The following ITPR3 variants were observed in gnomAD, a reference collection of about 807,000 sequenced individuals.
ITPR3 encodes inositol 1,4,5-trisphosphate receptor type 3.
A neutral mutation model predicts 293.2 loss-of-function variants in ITPR3; 173 were observed. The observed-to-expected ratio is 0.59, with a 90% CI of 0.52 to 0.67. The LOEUF (loss-of-function observed/expected upper bound fraction) is 0.67, where lower values mean the gene tolerates loss of function less well. ITPR3 is among the 30% of genes least tolerant of loss of function. ITPR3 has a pLI of 0.00. For missense variants in ITPR3, 2,796 were observed against 3,592.1 expected (o/e 0.78, Z 5.66); for synonymous variants, 1,295 against 1,444.4 (o/e 0.90, Z 2.35).
intron 23 of ITPR3, 54 bp downstream of exon 23, chr6:33,673,774 A>G (rs1764833222): frequency 1.3e-6 from 2 of 1,597,356 alleles, no homozygotes; most frequent in East Asian, 2.2e-5. Context: ...CCAGGGATAC[A>G]CAGCAGTGGG....
At chr6:33,661,308 A>C (rs1764457516) in intron 7 of ITPR3, among the ~76,000 whole-genome samples, 1 of 152,208 alleles carries the variant, frequency 6.6e-6, no homozygotes, top group South Asian at 2.1e-4. Flanking sequence ...GCAGCCATGC[A>C]TTGTGTGCCT....
rs779662673 is a variant in ITPR3, at chr6:33,677,679, C to A, written c.3648+50C>A. The A allele has an allele frequency of 5.0e-6, 8 of 1,599,812 alleles. No homozygotes were observed. In the African/African-American group the frequency reaches 6.7e-5, roughly 13 times the overall value. On this transcript the variant is annotated intron_variant, in intron 28 of 57. Transcript: ENST00000605930. The stretch of plus-strand genomic sequence containing the variant: ...CTCCCCAGGGTGGCTTCCCCCTGAA[C>A]CCCGGCCTGACCTGTATGCTAGGCC...
At chr6:33,656,018 G>T in intron 3 of ITPR3, 131 bp downstream of exon 3, 1 of 1,190,254 alleles carries the variant, frequency 8.4e-7, no homozygotes, top group Non-Finnish European at 1.2e-6. Flanking sequence ...ACTCGTATGG[G>T]CGTGACAGTT....
chr6:33,656,250 CTG>C (rs970478438), intron 3 of ITPR3, among the ~76,000 whole-genome samples: 5 of 152,176 alleles, frequency 3.3e-5, no homozygotes, highest in African/African-American at 4.8e-5. Flanking sequence ...ACCCACCAGT[CTG>C]TGTAACTCTG....
chr6:33,652,946 C>A (rs1430586778), intron 2 of ITPR3, among the ~76,000 whole-genome samples: 1 of 152,078 alleles, frequency 6.6e-6, no homozygotes, highest in Non-Finnish European at 1.5e-5. Context: ...CTTGCTCTGT[C>A]GCTCAGGCTG....
intron 1 of ITPR3, among the ~76,000 whole-genome samples, chr6:33,636,309 T>TA (rs1269650494): frequency 2.0e-5 from 3 of 150,814 alleles, no homozygotes; most frequent in Non-Finnish European, 3.0e-5. Context: ...CTCAAAAAAA[T>TA]AAAAAATTAA....
rs1187224203 is a variant in ITPR3, at chr6:33,655,211, TG to T, written c.161-553del. Among the ~76,000 whole-genome samples the T allele has an allele frequency of 1.3e-5, 2 of 152,122 alleles. No homozygotes were observed. Among genetic ancestry groups the T allele is most frequent in the Non-Finnish European group, 2.9e-5 (2 of 68,046 alleles). On this transcript the variant is annotated intron_variant, in intron 2 of 57. Coordinates refer to ENST00000605930, the MANE Select transcript of ITPR3 (RefSeq NM_002224.4). This position sits in a 1 kb window ranked among gnomAD's most constrained non-coding sequence, Gnocchi z 4.9. ...AAGCTGAGCAAGGGTGTGGTTTCAG[TG>T]GAAGATGCGCCTCAGCCTGACCCCT...
chr6:33,678,422 GT>G lies in ITPR3; in HGVS notation c.3651del (p.Asp1218MetfsTer4). Reference sequence around the variant, plus strand: ...CCTCTCCCTGACTCCTGTGTCCAGGGTGATGCCAAGATGATGGAGATCCTGC... The same window carrying G: ...CCTCTCCCTGACTCCTGTGTCCAGGGGATGCCAAGATGATGGAGATCCTGC... ...LDLLQIPYDKGDAKMMEILRY... is the reference protein window; with the variant it reads ...LDLLQIPYDKXDAKMMEILRY... On this transcript the variant is annotated frameshift_variant and splice_region_variant, in exon 29 of 58. Transcript: ENST00000605930. LOFTEE classifies it high-confidence loss of function. The G allele has an allele frequency of 6.2e-7, 1 of 1,613,488 alleles. No individual in the cohort carries two copies. The highest frequency in any genetic ancestry group is 8.5e-7 in the Non-Finnish European group (1 of 1,179,848).
chr6:33,688,771 C>T lies in ITPR3; in HGVS notation c.6684C>T (p.Gly2228=), dbSNP rs142850920. 2.0e-4 allele frequency: 329 copies of T among 1,614,156 alleles called. No individual in the cohort carries two copies. The African/African-American group carries it at 3.0e-3, about 15-fold the overall frequency. ...IIAFFYPYME[G]ASTGVLDSPL... ...CCTTCTTCTACCCTTACATGGAGGG[C>T]GCGTCCACAGGTGAGAACACAGGGC... is the stretch of plus-strand genomic sequence containing the variant. The change falls in exon 49 of 58, where the codon GGC becomes GGT. Residue 2228 remains glycine, a synonymous_variant. Transcript: ENST00000605930.
rs147911578 is a variant in ITPR3 at position 33,638,249 on chromosome 6, C to T, written c.90-2235C>T. Among the ~76,000 whole-genome samples, 1,485 of 152,246 alleles carry T rather than the reference C, an allele frequency of 9.8e-3. 16 individuals carry two copies. Among genetic ancestry groups the T allele is most frequent in the African/African-American group, 0.025 (1,034 of 41,530 alleles). ...TCGAACTCCTGACTTAATGATCCAC[C>T]CGCCTCAGCCTCCCAAAGTGCAGGG... On this transcript the variant is annotated intron_variant, in intron 1 of 57. Coordinates refer to ENST00000605930, the MANE Select transcript of ITPR3 (RefSeq NM_002224.4). The surrounding 1 kb of genome is among the most constrained non-coding windows in gnomAD (Gnocchi z 4.3).
Position 33,664,972 on chromosome 6 carries a change from G to A in ITPR3, c.1248+3G>A, listed in dbSNP as rs1448726549. ...AGGAGCGGCCCATCCGGCTCATGGT[G>A]CGTGTCCCTGGGGTGGGGGTGGGGC... On this transcript the variant is annotated splice_donor_region_variant and intron_variant, in intron 12 of 57. Transcript: ENST00000605930. This position sits in a 1 kb window ranked among gnomAD's most constrained non-coding sequence, Gnocchi z 4.4. The A allele has an allele frequency of 4.3e-6, 7 of 1,613,690 alleles. No individual in the cohort carries two copies. In the South Asian group the frequency reaches 6.6e-5, roughly 15 times the overall value.
chr6:33,666,717 A>T lies in ITPR3; in HGVS notation c.1552-412A>T, dbSNP rs1242898247. ...ATTTTTCACCTCTCCACCCAGCCCCAGCCTTTAAAACATTTTTGTAATTAT... is the reference window on the plus strand; with the variant it reads ...ATTTTTCACCTCTCCACCCAGCCCCTGCCTTTAAAACATTTTTGTAATTAT... On this transcript the variant is annotated intron_variant, in intron 14 of 57. Transcript: ENST00000605930. This position sits in a 1 kb window ranked among gnomAD's most constrained non-coding sequence, Gnocchi z 5.1. Among the ~76,000 whole-genome samples the T allele has an allele frequency of 6.6e-6, 1 of 151,688 alleles. No individual in the cohort carries two copies. Among genetic ancestry groups the T allele is most frequent in the Non-Finnish European group, 1.5e-5 (1 of 67,964 alleles).
chr6:33,691,543 A>G lies in ITPR3; in HGVS notation c.7226-72A>G. ...CAGGGAAGGTTTCCTGGAGGATGTG[A>G]CACTGGGGACAGAGCCAGGGGATAA... On this transcript the variant is annotated intron_variant, in intron 52 of 57. Transcript: ENST00000605930. The surrounding 1 kb of genome is among the most constrained non-coding windows in gnomAD (Gnocchi z 4.9). The G allele has an allele frequency of 1.6e-6, 2 of 1,279,270 alleles. No homozygotes were observed. Among genetic ancestry groups the G allele is most frequent in the Non-Finnish European group, 2.2e-6 (2 of 892,660 alleles). The allele number at this position is 1,279,270 out of a possible 1,614,324, so 79.2% of individuals were successfully genotyped here.
At position 33,624,362 on chromosome 6, in the gene ITPR3, GAAGTT is replaced by G. The variant is rs1256806583; in HGVS notation, c.89+2675_89+2679del. On this transcript the variant is annotated intron_variant, in intron 1 of 57. Transcript: ENST00000605930. The surrounding 1 kb of genome is among the most constrained non-coding windows in gnomAD (Gnocchi z 4.7). ...GGGAGCTGTGCTTCCTGCTTCCTTG[GAAGTT>G]AAGAGTCAAAGAAGGAATGATTTGT... Among the ~76,000 whole-genome samples the G allele has an allele frequency of 3.3e-5, 5 of 152,196 alleles. No individual in the cohort carries two copies. Among genetic ancestry groups the G allele is most frequent in the African/African-American group, 4.8e-5 (2 of 41,462 alleles).
chr6:33,667,026 G>C lies in ITPR3; in HGVS notation c.1552-103G>C, dbSNP rs943231804. On this transcript the variant is annotated intron_variant, in intron 14 of 57. Coordinates refer to ENST00000605930, the MANE Select transcript of ITPR3 (RefSeq NM_002224.4). The surrounding 1 kb of genome is among the most constrained non-coding windows in gnomAD (Gnocchi z 4.4). ...CAGCTCGAAGCTGATGTCCGGGCTG[G>C]CTTTAGGGCAGAGTCAGTTGGGACT... 5 of 1,378,540 alleles carry C rather than the reference G, an allele frequency of 3.6e-6. No individual in the cohort carries two copies. Among genetic ancestry groups the C allele is most frequent in the East Asian group, 4.7e-5 (2 of 42,132 alleles). The allele number at this position is 1,378,540 out of a possible 1,614,324, so 85.4% of individuals were successfully genotyped here.
intron 3 of ITPR3, among the ~76,000 whole-genome samples, chr6:33,657,041 A>G (rs79813940): frequency 6.6e-6 from 1 of 152,192 alleles, no homozygotes. Flanking sequence ...GCATTCACCT[A>G]TGCAGAGCCA....
intron 25 of ITPR3, among the ~76,000 whole-genome samples, chr6:33,676,412 G>T (rs57088429): frequency 6.6e-6 from 1 of 152,072 alleles, no homozygotes; most frequent in Non-Finnish European, 1.5e-5. Context: ...TCAGACGCAG[G>T]CCTGGGTCTT....
intron 50 of ITPR3, 73 bp downstream of exon 50, chr6:33,689,483 G>T: frequency 6.5e-7 from 1 of 1,531,252 alleles, no homozygotes. Flanking sequence ...AAGCTGGCCT[G>T]CTGCTTCCAG....
At position 33,667,381 on chromosome 6, in the gene ITPR3, G is replaced by T. The variant is rs184817349; in HGVS notation, c.1713+91G>T. The T allele has an allele frequency of 8.4e-5, 124 of 1,478,452 alleles. No individual in the cohort carries two copies. The highest frequency in any genetic ancestry group is 1.1e-4 in the Admixed American group (5 of 47,272). 91.6% of individuals were successfully genotyped at this position (1,478,452 alleles called of 1,614,324 possible). On this transcript the variant is annotated intron_variant, in intron 15 of 57. Coordinates refer to ENST00000605930, the MANE Select transcript of ITPR3 (RefSeq NM_002224.4). This position sits in a 1 kb window ranked among gnomAD's most constrained non-coding sequence, Gnocchi z 4.4. ...AGGCACATGTGCTGTGCCAGGCACTGTTTTGGGGCCTAGGGTCCAGTAGGG... is the reference window on the plus strand; with the variant it reads ...AGGCACATGTGCTGTGCCAGGCACTTTTTTGGGGCCTAGGGTCCAGTAGGG...
Sources: allele counts gnomAD v4.1 joint callset (sites outside exome capture counted in the v4.1 genomes callset), GRCh38; gene constraint gnomAD v4.1.1; non-coding constraint Gnocchi (gnomAD v3.1); transcripts MANE v1.5; gene names NCBI Gene and HGNC (gene_info 2026-07-23, HGNC 2026-07-21).